The following ARHGEF10L variants were observed in gnomAD, a reference collection of about 807,000 sequenced individuals.
ARHGEF10L encodes the protein rho guanine nucleotide exchange factor 10-like protein.
In ARHGEF10L, 69 loss-of-function variants were observed where a neutral mutation model predicts 141.2. That is an observed-to-expected ratio of 0.49 (90% confidence interval 0.40 to 0.60). The LOEUF (loss-of-function observed/expected upper bound fraction) is 0.60. Ranked by LOEUF, ARHGEF10L falls within the 20% of genes least tolerant of loss-of-function variation. The probability of loss-of-function intolerance (pLI) is 0.00; values close to 1 mark genes in which losing one functional copy is unlikely to be tolerated. For missense variants in ARHGEF10L, 1,482 were observed against 1,734.3 expected (o/e 0.85, Z 2.58); for synonymous variants, 711 against 718.5 (o/e 0.99, Z 0.17).
At chr1:17,618,260 C>A in intron 9 of ARHGEF10L, 2 of 1,337,408 alleles carry the variant, frequency 1.5e-6, no homozygotes, top group Non-Finnish European at 2.0e-6. Flanking sequence ...TCAGCCCTCC[C>A]CACCCCGCCC....
chr1:17,668,133 A>G (rs887808803), intron 26 of ARHGEF10L, among the ~76,000 whole-genome samples: 1 of 152,242 alleles, frequency 6.6e-6, no homozygotes, highest in African/African-American at 2.4e-5. Flanking sequence ...CGGTCTTGGC[A>G]CGTGGCGAGG....
At chr1:17,547,109 C>A (rs565780365) in intron 1 of ARHGEF10L, among the ~76,000 whole-genome samples, 1 of 152,226 alleles carries the variant, frequency 6.6e-6, no homozygotes, top group Non-Finnish European at 1.5e-5. Flanking sequence ...AGCAGCAGTG[C>A]CCATATGCTA....
At chr1:17,653,575 C>T (rs527813138) in intron 22 of ARHGEF10L, among the ~76,000 whole-genome samples, 57 of 152,368 alleles carry the variant, frequency 3.7e-4, no homozygotes, top group African/African-American at 1.3e-3. Context: ...GCAGAGAAGA[C>T]AGGGAGCCCA....
At chr1:17,695,413 T>C in intron 28 of ARHGEF10L, 133 bp downstream of exon 28, 1 of 1,285,186 alleles carries the variant, frequency 7.8e-7, no homozygotes, top group East Asian at 2.6e-5. Context: ...TCCTCTCATC[T>C]CAGGTGGCAT....
the ARHGEF10L span, among the ~76,000 whole-genome samples, chr1:17,534,094 T>C: frequency 6.6e-6 from 1 of 151,940 alleles, no homozygotes; most frequent in East Asian, 1.9e-4. Flanking sequence ...CCTGGGTAGC[T>C]GGGATTACAA....
chr1:17,663,956 G>A (rs528091285), intron 25 of ARHGEF10L, among the ~76,000 whole-genome samples: 6 of 152,334 alleles, frequency 3.9e-5, no homozygotes, highest in African/African-American at 1.4e-4. Context: ...TTCCATCTCA[G>A]CAGTTCTCAA....
At chr1:17,667,879 G>A (rs1232974677) in intron 26 of ARHGEF10L, among the ~76,000 whole-genome samples, 9 of 152,204 alleles carry the variant, frequency 5.9e-5, no homozygotes, top group Non-Finnish European at 1.2e-4. Context: ...GCCCTTGCCT[G>A]TGTCCCGGCC....
chr1:17,689,866 G>C (rs1461180284), intron 27 of ARHGEF10L: 4 of 455,958 alleles, frequency 8.8e-6, no homozygotes, highest in Non-Finnish European at 1.8e-5. Flanking sequence ...AGTGGTGGGA[G>C]GCAGGATGTG....
chr1:17,567,437 G>A (rs1331217182), intron 1 of ARHGEF10L, among the ~76,000 whole-genome samples: 1 of 152,212 alleles, frequency 6.6e-6, no homozygotes, highest in Admixed American at 6.5e-5. Flanking sequence ...CGCGATCTCG[G>A]CTCACTGTAA....
Position 17,619,289 on chromosome 1 carries a change from G to T in ARHGEF10L, c.836-50G>T. 2 of 1,553,598 alleles carry T rather than the reference G, an allele frequency of 1.3e-6. No homozygotes were observed. The highest frequency in any genetic ancestry group is 1.8e-6 in the Non-Finnish European group (2 of 1,131,646). On this transcript the variant is annotated intron_variant, in intron 9 of 28. Coordinates refer to ENST00000361221, the MANE Select transcript of ARHGEF10L (RefSeq NM_018125.4). This position sits in a 1 kb window ranked among gnomAD's most constrained non-coding sequence, Gnocchi z 5.0. Reference sequence around the variant, plus strand: ...CTCTCAGCTCCTGAGGCCTGAGCAGGGTGTGCTGTCCCTGCCTTAGCTGTG... The same window carrying T: ...CTCTCAGCTCCTGAGGCCTGAGCAGTGTGTGCTGTCCCTGCCTTAGCTGTG...
At chr1:17,618,161 G>T (rs1209815765) in intron 9 of ARHGEF10L, among the ~76,000 whole-genome samples, 1 of 152,162 alleles carries the variant, frequency 6.6e-6, no homozygotes, top group African/African-American at 2.4e-5. Flanking sequence ...TCATTGAGAT[G>T]GTCCGAAGAC....
chr1:17,534,283 C>T, the ARHGEF10L span, among the ~76,000 whole-genome samples: 51 of 152,072 alleles, frequency 3.4e-4, no homozygotes, highest in African/African-American at 9.2e-4. Flanking sequence ...CCTCCACGCC[C>T]GGCTAATCTT....
Position 17,670,526 on chromosome 1 carries a change from A to T in ARHGEF10L, c.3009+5931A>T, listed in dbSNP as rs576953222. On this transcript the variant is annotated intron_variant, in intron 26 of 28. Transcript: ENST00000361221. ...ATGATTGTTGCATCTTAATTTAAAA[A>T]AACTTATTGGGAACAGGCTGATAGC... is the stretch of plus-strand genomic sequence containing the variant. Among the ~76,000 whole-genome samples, 9 of 152,366 alleles carry T rather than the reference A, an allele frequency of 5.9e-5. No individual in the cohort carries two copies. In the South Asian group the frequency reaches 1.9e-3, roughly 32 times the overall value.
chr1:17,611,811 A>G (rs571439314), intron 7 of ARHGEF10L, among the ~76,000 whole-genome samples: 22 of 152,314 alleles, frequency 1.4e-4, no homozygotes, highest in Non-Finnish European at 2.5e-4. Context: ...GCAGGAGCCT[A>G]CATGCCTCCA....
At position 17,627,365 on chromosome 1, in the gene ARHGEF10L, C is replaced by G; in HGVS notation, c.1446C>G (p.Asp482Glu). The G allele has an allele frequency of 6.2e-7, 1 of 1,614,086 alleles. No homozygotes were observed. The highest frequency in any genetic ancestry group is 8.5e-7 in the Non-Finnish European group (1 of 1,180,032). Residue 482 changes from aspartate (D) to glutamate (E), a missense_variant, in exon 15 of 29, where the codon GAC becomes GAG. This residue lies in a region of ARHGEF10L where 392 missense variants were observed against 542.1 expected (regional missense o/e 0.72). Transcript: ENST00000361221. This position sits in a 1 kb window ranked among gnomAD's most constrained non-coding sequence, Gnocchi z 4.0. ...AGAACACCCCCAGGGGCCATCCGGACAGGCTGTCGCTGCAGCTGGCCCTCA... is the reference window on the plus strand; with the variant it reads ...AGAACACCCCCAGGGGCCATCCGGAGAGGCTGTCGCTGCAGCTGGCCCTCA... ...MLKNTPRGHP[D>E]RLSLQLALTE...
Position 17,654,949 on chromosome 1 carries a change from CT to C in ARHGEF10L, c.2481+231del, listed in dbSNP as rs929234659. On this transcript the variant is annotated intron_variant, in intron 23 of 28. Transcript: ENST00000361221. The surrounding 1 kb of genome is among the most constrained non-coding windows in gnomAD (Gnocchi z 4.3). ...CCAGGGAGCTAAAAAGAGAGTGTGC[CT>C]TTTGCAAATGGTGACAGGGCTGAGA... Among the ~76,000 whole-genome samples the C allele has an allele frequency of 2.0e-5, 3 of 152,196 alleles. No homozygotes were observed. Among genetic ancestry groups the C allele is most frequent in the Admixed American group, 6.5e-5 (1 of 15,288 alleles).
chr1:17,571,658 C>T (rs985169857), intron 1 of ARHGEF10L, among the ~76,000 whole-genome samples: 1 of 152,080 alleles, frequency 6.6e-6, no homozygotes, highest in Non-Finnish European at 1.5e-5. Flanking sequence ...CTCAGCCTCC[C>T]GAGTAACTGG....
chr1:17,578,592 C>T (rs1240470896), intron 1 of ARHGEF10L, among the ~76,000 whole-genome samples: 5 of 152,246 alleles, frequency 3.3e-5, no homozygotes, highest in South Asian at 4.1e-4. Flanking sequence ...GAGGCTGAGG[C>T]GAGAGGATCA....
chr1:17,522,057 A>C, the ARHGEF10L span, among the ~76,000 whole-genome samples: 1 of 152,162 alleles, frequency 6.6e-6, no homozygotes, highest in Non-Finnish European at 1.5e-5. Flanking sequence ...GGAGGGTTGA[A>C]AGCCGTGGCC....
Sources: allele counts gnomAD v4.1 joint callset (sites outside exome capture counted in the v4.1 genomes callset), GRCh38; gene constraint gnomAD v4.1.1; regional missense constraint gnomAD v4.1.1; non-coding constraint Gnocchi (gnomAD v3.1); transcripts MANE v1.5; gene names NCBI Gene and HGNC (gene_info 2026-07-23, HGNC 2026-07-21).